CDH13: variants seen among roughly 807,000 people sequenced by gnomAD.
CDH13 encodes cadherin 13, also known as cadherin-13.
Under a neutral mutation model 63.8 loss-of-function variants are expected in CDH13, and 24 were observed. The ratio of observed to expected loss-of-function variants is 0.38; its 90% CI spans 0.27 to 0.53. CDH13 has a LOEUF of 0.53. Among genes scored for constraint, CDH13 ranks in the 20% least tolerant of loss-of-function variants. The pLI is 0.85. For synonymous variants in CDH13, 503 were observed against 355.3 expected, an observed-to-expected ratio of 1.42 and a Z score of -4.67; for missense variants, 1,049 against 903.1, an observed-to-expected ratio of 1.16 and a Z score of -2.07.
chr16:83,161,787 A>G (rs1294437608), intron 4 of CDH13, among the ~76,000 whole-genome samples: 1 of 152,188 alleles, frequency 6.6e-6, no homozygotes, highest in Non-Finnish European at 1.5e-5. Flanking sequence ...TTAATCAACA[A>G]CAAACAACAA....
chr16:82,808,125 C>A (rs1597656640), intron 1 of CDH13, among the ~76,000 whole-genome samples: 1 of 152,176 alleles, frequency 6.6e-6, no homozygotes, highest in East Asian at 1.9e-4. Flanking sequence ...TGGGCAACAC[C>A]CCTGACCTGT....
intron 6 of CDH13, among the ~76,000 whole-genome samples, chr16:83,387,473 G>A (rs1412681872): frequency 6.6e-6 from 1 of 152,146 alleles, no homozygotes; most frequent in African/African-American, 2.4e-5. Context: ...TTGGGCACAG[G>A]AGGGAAATTA....
Position 82,641,230 on chromosome 16 carries a change from C to T in CDH13, c.45+14093C>T, listed in dbSNP as rs191762071. Among the ~76,000 whole-genome samples the T allele has an allele frequency of 2.0e-3, 311 of 152,260 alleles. 1 individual carries two copies. The highest frequency in any genetic ancestry group is 6.9e-3 in the African/African-American group (288 of 41,530). ...TCTGCTGGTCAGGGGTGACCCCTGC[C>T]GTCATTAACTTCTCTGTGCTTCCCT... On this transcript the variant is annotated intron_variant, in intron 1 of 13. Transcript: ENST00000567109.
At position 82,644,185 on chromosome 16, in the gene CDH13, G is replaced by A. The variant is rs998732120; in HGVS notation, c.45+17048G>A. Among the ~76,000 whole-genome samples, 41 of 152,112 alleles carry A rather than the reference G, an allele frequency of 2.7e-4. No individual in the cohort carries two copies. The highest frequency in any genetic ancestry group is 9.7e-4 in the African/African-American group (40 of 41,408). Reference sequence around the variant, plus strand: ...TTTACCCAAATTAACATGAATGTTTGGCACCCTTTGGCTGGTGCGGCTGAA... The same window carrying A: ...TTTACCCAAATTAACATGAATGTTTAGCACCCTTTGGCTGGTGCGGCTGAA... On this transcript the variant is annotated intron_variant, in intron 1 of 13. Coordinates refer to ENST00000567109, the MANE Select transcript of CDH13 (RefSeq NM_001257.5). The surrounding 1 kb of genome is among the most constrained non-coding windows in gnomAD (Gnocchi z 5.7).
At chr16:82,851,176 C>T (rs143705591) in intron 1 of CDH13, among the ~76,000 whole-genome samples, 82 of 152,188 alleles carry the variant, frequency 5.4e-4, no homozygotes, top group African/African-American at 2.0e-3. Flanking sequence ...TGGCTCATGC[C>T]TGTAATCCTA....
At chr16:83,712,217 A>G (rs1418801693) in intron 10 of CDH13, among the ~76,000 whole-genome samples, 1 of 152,198 alleles carries the variant, frequency 6.6e-6, no homozygotes, top group Non-Finnish European at 1.5e-5. Flanking sequence ...CAGAACAGGC[A>G]CCACTAAAAT....
chr16:82,691,170 T>G (rs1915608673), intron 1 of CDH13, among the ~76,000 whole-genome samples: 1 of 152,186 alleles, frequency 6.6e-6, no homozygotes, highest in African/African-American at 2.4e-5. Context: ...TCAGGGACCC[T>G]CGTGGAGGTG....
chr16:82,893,122 C>A (rs556871491), intron 2 of CDH13, among the ~76,000 whole-genome samples: 58 of 152,292 alleles, frequency 3.8e-4, no homozygotes, highest in African/African-American at 1.4e-3. Flanking sequence ...TGTAAATTAG[C>A]ACTACAGAAT....
chr16:82,904,773 T>C (rs1313995022), intron 2 of CDH13, among the ~76,000 whole-genome samples: 1 of 152,190 alleles, frequency 6.6e-6, no homozygotes, highest in Non-Finnish European at 1.5e-5. Flanking sequence ...GCCTTCTGCT[T>C]CTGGCCAGCT....
chr16:83,184,882 C>CGTGTGTGTGT (rs71272419), intron 4 of CDH13, among the ~76,000 whole-genome samples: 5 of 145,336 alleles, frequency 3.4e-5, no homozygotes, highest in African/African-American at 1.0e-4. Context: ...ATGTCTAAGC[C>CGTGTGTGTGT]GTGTGTGTGT....
intron 10 of CDH13, among the ~76,000 whole-genome samples, chr16:83,713,650 G>T (rs771435931): frequency 3.3e-5 from 5 of 152,140 alleles, no homozygotes; most frequent in Non-Finnish European, 5.9e-5. Context: ...CAGAATGGGG[G>T]TGGGGAAAGT....
intron 6 of CDH13, among the ~76,000 whole-genome samples, chr16:83,383,799 T>A (rs1014966141): frequency 3.3e-5 from 5 of 152,188 alleles, no homozygotes; most frequent in African/African-American, 9.7e-5. Flanking sequence ...CAACCCTGGA[T>A]TGAGTGACTT....
chr16:82,888,786 T>A (rs1321475874), intron 2 of CDH13, among the ~76,000 whole-genome samples: 1 of 152,214 alleles, frequency 6.6e-6, no homozygotes, highest in Non-Finnish European at 1.5e-5. Flanking sequence ...AAATGTAAAC[T>A]TCGCAAGTAA....
intron 5 of CDH13, among the ~76,000 whole-genome samples, chr16:83,242,654 C>G (rs1206208772): frequency 6.6e-6 from 1 of 152,144 alleles, no homozygotes; most frequent in East Asian, 1.9e-4. Flanking sequence ...ATAGAAGAGG[C>G]AAAATTCTCT....
At chr16:82,632,976 A>G (rs112990784) in intron 1 of CDH13, among the ~76,000 whole-genome samples, 260 of 152,274 alleles carry the variant, frequency 1.7e-3, no homozygotes, top group African/African-American at 5.9e-3. Context: ...TCCAACTCCT[A>G]TGAAAATCCA....
At chr16:83,526,223 G>T (rs1463250657) in intron 7 of CDH13, among the ~76,000 whole-genome samples, 1 of 152,144 alleles carries the variant, frequency 6.6e-6, no homozygotes, top group East Asian at 1.9e-4. Context: ...TGGGGGCGGT[G>T]GTGGTTATTG....
intron 6 of CDH13, among the ~76,000 whole-genome samples, chr16:83,396,051 T>A (rs572945991): frequency 6.6e-6 from 1 of 152,334 alleles, no homozygotes; most frequent in African/African-American, 2.4e-5. Flanking sequence ...GGTATTTGGT[T>A]TTCTGTTCCT....
chr16:83,535,839 G>C (rs2075172862), intron 7 of CDH13, among the ~76,000 whole-genome samples: 1 of 148,472 alleles, frequency 6.7e-6, no homozygotes. Context: ...AGGAAAGGAA[G>C]GAAGGGAGGG....
chr16:82,642,026 C>T (rs1414698419), intron 1 of CDH13, among the ~76,000 whole-genome samples: 2 of 148,774 alleles, frequency 1.3e-5, no homozygotes, highest in Admixed American at 1.4e-4. Flanking sequence ...TTCTTCCATT[C>T]ACCAACTCCT....
Sources: gnomAD v4.1 joint callset for allele counts (sites outside exome capture counted in the v4.1 genomes callset) on GRCh38, gnomAD v4.1.1 for gene constraint, Gnocchi (gnomAD v3.1) non-coding constraint, MANE v1.5 for transcripts, NCBI Gene and HGNC (gene_info 2026-07-23, HGNC 2026-07-21) for gene names.